The following SECISBP2 variants were observed in gnomAD, a reference collection of about 807,000 sequenced individuals.
SECISBP2 encodes the protein SECIS binding protein 2.
SECISBP2 carries 96 observed loss-of-function variants against 98.2 expected under a neutral mutation model. The observed-to-expected ratio is 0.98, with a 90% CI of 0.83 to 1.16. The LOEUF (loss-of-function observed/expected upper bound fraction) is 1.16, where lower values mean the gene tolerates loss of function less well. Among genes scored for constraint, SECISBP2 ranks in the 50% most tolerant of loss-of-function variants. The probability of loss-of-function intolerance (pLI) is 0.00; values close to 1 mark genes in which losing one functional copy is unlikely to be tolerated. For synonymous variants in SECISBP2, 407 were observed against 370.2 expected (o/e 1.10, Z -1.14); for missense variants, 1,046 against 1,022.9 (o/e 1.02, Z -0.31).
At chr9:89,348,244 A>G (rs746624450) in intron 12 of SECISBP2, 30 bp downstream of exon 12, 8 of 1,613,612 alleles carry the variant, frequency 5.0e-6, no homozygotes, top group Non-Finnish European at 6.8e-6. Context: ...CCTTAAGAAT[A>G]ATTTAAACGA....
At chr9:89,347,816 G>A (rs1309610324) in intron 11 of SECISBP2, among the ~76,000 whole-genome samples, 1 of 152,164 alleles carries the variant, frequency 6.6e-6, no homozygotes, top group Non-Finnish European at 1.5e-5. Context: ...TAGGTGCTCA[G>A]GCAAGTGCTG....
rs192500130 is a variant in SECISBP2 at position 89,327,818 on chromosome 9, T to C, written c.575-842T>C. On this transcript the variant is annotated intron_variant, in intron 4 of 16. Coordinates refer to ENST00000375807, the MANE Select transcript of SECISBP2 (RefSeq NM_024077.5). ...TTTTCTTTTGTCGTTTTGTGTTTTT[T>C]TTTTTTTTTTGAGACAGAGTCTCAC... is the stretch of plus-strand genomic sequence containing the variant. Among the ~76,000 whole-genome samples the C allele has an allele frequency of 2.3e-3, 356 of 151,694 alleles. 1 individual carries two copies. Among genetic ancestry groups the C allele is most frequent in the African/African-American group, 8.1e-3 (337 of 41,480 alleles).
intron 11 of SECISBP2, 106 bp downstream of exon 11, chr9:89,347,154 C>A: frequency 8.6e-7 from 1 of 1,158,432 alleles, no homozygotes; most frequent in Non-Finnish European, 1.3e-6. Context: ...ACTTGTATTA[C>A]TTGAATATGT....
Position 89,348,125 on chromosome 9 carries a change from A to C in SECISBP2, c.1649A>C (p.Asn550Thr), listed in dbSNP as rs1830708549. ...GAGAGAAAGCAGCGTCTCCAAGAAA[A>C]TGCTGTGAGTCCAGCTTTTACCAGT... Reference protein sequence around the residue: ...RQERKQRLQENAVSPAFTSDD... With the variant: ...RQERKQRLQETAVSPAFTSDD... The change falls in exon 12 of 17, where the codon AAT becomes ACT. Residue 550 changes from asparagine (N) to threonine (T), a missense_variant. By Grantham distance (65) the Asn-to-Thr change is moderately conservative (BLOSUM62 0). Transcript: ENST00000375807. 6.2e-7 allele frequency: 1 copy of C among 1,614,168 alleles called. No homozygotes were observed. Among genetic ancestry groups the C allele is most frequent in the Non-Finnish European group, 8.5e-7 (1 of 1,179,948 alleles).
chr9:89,323,588 A>G (rs1444508340), intron 2 of SECISBP2: 1 of 152,558 alleles, frequency 6.6e-6, no homozygotes, highest in Non-Finnish European at 1.5e-5. Context: ...CCAGGAGACC[A>G]GCAGGTATTG....
rs1184563393 is a variant in SECISBP2 at position 89,347,465 on chromosome 9, C to CTTT, written c.1602+439_1602+441dup. On this transcript the variant is annotated intron_variant, in intron 11 of 16. Coordinates refer to ENST00000375807, the MANE Select transcript of SECISBP2 (RefSeq NM_024077.5). ...CAGTCACAGGCTCCTCCGGTGAATT[C>CTTT]TTTTTTTTTTTTTTTTTTTTTTTTG... 2.6e-3 allele frequency among the ~76,000 whole-genome samples: 230 copies of CTTT among 87,382 alleles called. 2 individuals are homozygous for CTTT. The highest frequency in any genetic ancestry group is 7.7e-3 in the Middle Eastern group (1 of 130). 57.3% of individuals were successfully genotyped at this position (87,382 alleles called of 152,430 possible).
At chr9:89,357,904 C>T in intron 15 of SECISBP2, 95 bp from the exon 16 acceptor site, 1 of 1,320,146 alleles carries the variant, frequency 7.6e-7, no homozygotes, top group Non-Finnish European at 1.1e-6. Context: ...CCCATGTCAC[C>T]CCTGCTTCTC....
intron 5 of SECISBP2, among the ~76,000 whole-genome samples, chr9:89,331,618 T>C (rs557214022): frequency 7.4e-4 from 113 of 152,370 alleles, no homozygotes; most frequent in Non-Finnish European, 1.1e-3. Flanking sequence ...TTATGTTTAA[T>C]ATGTGAGACA....
chr9:89,339,977 A>G (rs1474899586), intron 9 of SECISBP2, 24 bp downstream of exon 9: 5 of 1,536,340 alleles, frequency 3.3e-6, no homozygotes, highest in Non-Finnish European at 4.5e-6. Context: ...TGAAACCACA[A>G]ATTGCTTTAG....
chr9:89,363,956 G>GACAC, downstream of SECISBP2: 1 of 1,614,026 alleles, frequency 6.2e-7, no homozygotes, highest in Non-Finnish European at 8.5e-7. Flanking sequence ...AGGACCTGGG[G>GACAC]ACACAGACCG....
chr9:89,329,137 G>A (rs1405717752), intron 5 of SECISBP2: 11 of 461,652 alleles, frequency 2.4e-5, no homozygotes, highest in African/African-American at 4.0e-5. Context: ...TTTTTGAAAC[G>A]GAGTCTCGCT....
chr9:89,339,157 G>C (rs1829266728), intron 8 of SECISBP2, among the ~76,000 whole-genome samples: 2 of 152,188 alleles, frequency 1.3e-5, no homozygotes, highest in Non-Finnish European at 1.5e-5. Context: ...TGCTGTACCA[G>C]AGCAAGTGGC....
rs1187652758 is a variant in SECISBP2 at position 89,334,020 on chromosome 9, T to C, written c.881-502T>C. The C allele has an allele frequency of 1.9e-5, 20 of 1,058,216 alleles. 1 individual carries two copies. The Admixed American group carries it at 9.5e-4, about 50-fold the overall frequency. The allele number at this position is 1,058,216 out of a possible 1,614,324, so 65.6% of individuals were successfully genotyped here. On this transcript the variant is annotated intron_variant, in intron 6 of 16. Coordinates refer to ENST00000375807, the MANE Select transcript of SECISBP2 (RefSeq NM_024077.5). ...GATAGATGTCTTTGTTTTGTCTGTA[T>C]ATAGAGTTTCATGGGCACCTAAAGG...
chr9:89,326,493 C>T (rs1826727364), intron 4 of SECISBP2, among the ~76,000 whole-genome samples: 1 of 152,160 alleles, frequency 6.6e-6, no homozygotes, highest in Non-Finnish European at 1.5e-5. Context: ...TTTATTCCAG[C>T]AAACTGAAAG....
chr9:89,362,237 C>T (rs943129554), downstream of SECISBP2: 25 of 1,209,354 alleles, frequency 2.1e-5, no homozygotes, highest in Non-Finnish European at 2.8e-5. Context: ...CTCCACTGTC[C>T]CGCCTCTGCC....
chr9:89,357,604 G>A (rs774844444), intron 15 of SECISBP2, 39 bp downstream of exon 15: 50 of 1,610,536 alleles, frequency 3.1e-5, no homozygotes, highest in African/African-American at 4.0e-5. Flanking sequence ...GTCACTGCCC[G>A]TGGGAGGAAG....
At chr9:89,342,128 G>A (rs1279872876) in intron 10 of SECISBP2, among the ~76,000 whole-genome samples, 5 of 152,156 alleles carry the variant, frequency 3.3e-5, no homozygotes, top group Non-Finnish European at 7.3e-5. Context: ...GCAAAGGACT[G>A]GAAAAGACAT....
chr9:89,325,202 T>TA, intron 2 of SECISBP2: 1 of 548,786 alleles, frequency 1.8e-6, no homozygotes, highest in South Asian at 2.1e-5. Flanking sequence ...TGATGTTTCT[T>TA]ACGGACTTCC....
rs1832255459 is a variant in SECISBP2, at chr9:89,357,417, T to C, written c.2120T>C (p.Leu707Pro). The C allele has an allele frequency of 6.2e-7, 1 of 1,614,166 alleles. No individual in the cohort carries two copies. Among genetic ancestry groups the C allele is most frequent in the African/African-American group, 1.3e-5 (1 of 75,082 alleles). Residue 707 changes from leucine (L) to proline (P), a missense_variant, in exon 15 of 17, where the codon CTG (leucine) becomes CCG (proline). Coordinates refer to ENST00000375807, the MANE Select transcript of SECISBP2 (RefSeq NM_024077.5). Reference protein sequence around the residue: ...NCEKIQSKGGLDDTLHTIIDY... With the variant: ...NCEKIQSKGGPDDTLHTIIDY... ...TTCATTGTCCTTTGACCAGGTGGGC[T>C]GGATGACACTTTGCACACAATTATT...
Sources: allele counts gnomAD v4.1 joint callset (sites outside exome capture counted in the v4.1 genomes callset), GRCh38; gene constraint gnomAD v4.1.1; transcripts MANE v1.5; gene names NCBI Gene and HGNC (gene_info 2026-07-23, HGNC 2026-07-21).